Variants in HAPSTR1 observed in about 807,000 individuals in gnomAD.
HAPSTR1 encodes HUWE1-associated protein modifying stress responses 1.
chr16:9,092,892 G>GTTTTTTTTTTTTTTTTTGGT, the HAPSTR1 span: 1 of 1,267,508 alleles, frequency 7.9e-7, no homozygotes, highest in South Asian at 1.4e-5. Context: ...TTTCTTTTTG[G>GTTTTTTTTTTTTTTTTTGGT]TTTTTTTTTT....
At chr16:9,093,576 C>T in the HAPSTR1 span, among the ~76,000 whole-genome samples, 27 of 152,188 alleles carry the variant, frequency 1.8e-4, no homozygotes, top group Non-Finnish European at 2.2e-4. Context: ...CGCATGTTAA[C>T]GTGCTGCTCT....
chr16:9,098,167 T>C, the HAPSTR1 span, among the ~76,000 whole-genome samples: 47 of 152,302 alleles, frequency 3.1e-4, no homozygotes, highest in African/African-American at 1.0e-3. Context: ...ACCGTATCTC[T>C]ACTAAAAATA....
the HAPSTR1 span, chr16:9,092,368 G>C: frequency 1.5e-5 from 17 of 1,107,338 alleles, no homozygotes; most frequent in African/African-American, 2.6e-4. Context: ...GGGCCGCGAC[G>C]GCGGCGGCCT....
At chr16:9,093,312 C>T in the HAPSTR1 span, among the ~76,000 whole-genome samples, 25 of 152,292 alleles carry the variant, frequency 1.6e-4, no homozygotes, top group East Asian at 4.6e-3. Flanking sequence ...ACCGCCCCGG[C>T]CCCCTCTCAG....
the HAPSTR1 span, among the ~76,000 whole-genome samples, chr16:9,093,266 A>G: frequency 1.3e-5 from 2 of 152,084 alleles, no homozygotes; most frequent in South Asian, 4.1e-4. Context: ...CACCCAGTGT[A>G]TAGAGGCTGC....
chr16:9,091,743 G>A, the HAPSTR1 span: 1 of 399,396 alleles, frequency 2.5e-6, no homozygotes. Flanking sequence ...GCGCCATGGG[G>A]GGGCGTTAGA....
At chr16:9,095,544 C>T in the HAPSTR1 span, among the ~76,000 whole-genome samples, 1 of 151,898 alleles carries the variant, frequency 6.6e-6, no homozygotes. Flanking sequence ...ATTGTGCAGC[C>T]TGGGGACAAT....
the HAPSTR1 span, among the ~76,000 whole-genome samples, chr16:9,093,872 A>G: frequency 6.6e-6 from 1 of 152,110 alleles, no homozygotes; most frequent in Non-Finnish European, 1.5e-5. Flanking sequence ...TTTTATGGAA[A>G]AAGGATTTGA....
chr16:9,099,925 C>T, the HAPSTR1 span, among the ~76,000 whole-genome samples: 2 of 152,196 alleles, frequency 1.3e-5, no homozygotes, highest in African/African-American at 4.8e-5. Flanking sequence ...ATTTTAAATA[C>T]TTCACCATTT....
the HAPSTR1 span, among the ~76,000 whole-genome samples, chr16:9,094,415 T>C: frequency 6.6e-6 from 1 of 152,172 alleles, no homozygotes; most frequent in African/African-American, 2.4e-5. Flanking sequence ...GAAATAATAC[T>C]TAATTAAAAA....
At chr16:9,113,904 TGGAG>T in the HAPSTR1 span, among the ~76,000 whole-genome samples, 1 of 152,170 alleles carries the variant, frequency 6.6e-6, no homozygotes, top group African/African-American at 2.4e-5. Flanking sequence ...TTTCTGGTGT[TGGAG>T]AGGTGAATAA....
At chr16:9,100,089 G>T in the HAPSTR1 span, among the ~76,000 whole-genome samples, 1 of 152,146 alleles carries the variant, frequency 6.6e-6, no homozygotes, top group Non-Finnish European at 1.5e-5. Context: ...TGTTGTTTCT[G>T]CTTTTCTCCT....
the HAPSTR1 span, chr16:9,106,884 T>C: frequency 6.6e-6 from 1 of 152,202 alleles, no homozygotes; most frequent in South Asian, 2.1e-4. Context: ...AACAGCATAC[T>C]TGAGACCAGA....
the HAPSTR1 span, chr16:9,110,751 G>C: frequency 6.6e-6 from 1 of 152,222 alleles, no homozygotes; most frequent in African/African-American, 2.4e-5. Flanking sequence ...CTGATGGATG[G>C]TATGGCTGGG....
chr16:9,094,846 G>T, the HAPSTR1 span, among the ~76,000 whole-genome samples: 1 of 152,208 alleles, frequency 6.6e-6, no homozygotes, highest in Non-Finnish European at 1.5e-5. Flanking sequence ...AAATGGGATT[G>T]TCCTCTGGCT....
the HAPSTR1 span, among the ~76,000 whole-genome samples, chr16:9,099,637 C>T: frequency 5.6e-3 from 860 of 152,296 alleles, 11 homozygotes; most frequent in African/African-American, 0.019. Flanking sequence ...TAGTGTTGGA[C>T]GCAAGACTGG....
At chr16:9,107,130 G>A in the HAPSTR1 span, 2 of 152,112 alleles carry the variant, frequency 1.3e-5, no homozygotes, top group Non-Finnish European at 2.9e-5. Context: ...ACTGTCCTCC[G>A]GTGTACATCT....
At chr16:9,116,791 C>G in the HAPSTR1 span, 1 of 1,614,188 alleles carries the variant, frequency 6.2e-7, no homozygotes, top group Non-Finnish European at 8.5e-7. Flanking sequence ...GATTTGAACA[C>G]TTTCATATCA....
chr16:9,092,547 C>T, the HAPSTR1 span, among the ~76,000 whole-genome samples: 1 of 152,174 alleles, frequency 6.6e-6, no homozygotes, highest in Non-Finnish European at 1.5e-5. Context: ...CCCGGTGTCC[C>T]CCTCGGCCCG....
Sources: allele counts gnomAD v4.1 joint callset (sites outside exome capture counted in the v4.1 genomes callset), GRCh38; gene constraint gnomAD v4.1.1; transcripts MANE v1.5; gene names NCBI Gene and HGNC (gene_info 2026-07-23, HGNC 2026-07-21).